Variants in XXYLT1 observed in about 807,000 individuals in gnomAD.
The protein encoded by XXYLT1 is UDP-xylose:alpha-xyloside alpha-1,3-xylosyltransferase.
Under a neutral mutation model 28.9 loss-of-function variants are expected in XXYLT1, and 20 were observed. That is an observed-to-expected ratio of 0.69 (90% CI 0.49 to 1.00). The LOEUF (loss-of-function observed/expected upper bound fraction) is 1.00. XXYLT1 is among the 50% of genes least tolerant of loss of function. XXYLT1 has a pLI of 0.00. For missense variants in XXYLT1, 542 were observed against 560.1 expected (o/e 0.97, Z 0.33); for synonymous variants, 257 against 253.8 (o/e 1.01, Z -0.12).
chr3:195,192,764 G>A (rs1248655814), intron 2 of XXYLT1, among the ~76,000 whole-genome samples: 1 of 152,140 alleles, frequency 6.6e-6, no homozygotes, highest in Non-Finnish European at 1.5e-5. Flanking sequence ...GTTCTAGCTA[G>A]TGGAATAAGG....
rs1714688917 is a variant in XXYLT1 at position 195,069,768 on chromosome 3, C to T, written c.1129G>A (p.Gly377Ser). 1.2e-6 allele frequency: 2 copies of T among 1,614,074 alleles called. No homozygotes were observed. The highest frequency in any genetic ancestry group is 1.7e-6 in the Non-Finnish European group (2 of 1,180,022). Residue 377 changes from glycine to serine, a missense_variant, in exon 4 of 4, where the codon GGC becomes AGC. Gly to Ser is a moderately conservative substitution (Grantham distance 56). Coordinates refer to ENST00000310380, the MANE Select transcript of XXYLT1 (RefSeq NM_152531.5). The part of the protein sequence containing the change: ...DVFEAYFRCE[G>S]HVKIYHGNCN... ...TTCCCGTGGTAGATCTTGACGTGGC[C>T]CTCACACCTGAAATAGGCCTCGAAG...
At chr3:195,120,087 A>T (rs1287994003) in intron 3 of XXYLT1, among the ~76,000 whole-genome samples, 2 of 152,192 alleles carry the variant, frequency 1.3e-5, no homozygotes, top group African/African-American at 4.8e-5. Flanking sequence ...CTCTCTGAAA[A>T]CAAAAAGCTT....
At position 195,085,424 on chromosome 3, in the gene XXYLT1, C is replaced by T. The variant is rs137889050; in HGVS notation, c.786-15313G>A. Among the ~76,000 whole-genome samples, 133 of 152,366 alleles carry T rather than the reference C, an allele frequency of 8.7e-4. 1 individual carries two copies. The highest frequency in any genetic ancestry group is 3.0e-3 in the African/African-American group (126 of 41,582). On this transcript the variant is annotated intron_variant, in intron 3 of 3. Coordinates refer to ENST00000310380, the MANE Select transcript of XXYLT1 (RefSeq NM_152531.5). The stretch of plus-strand genomic sequence containing the variant: ...CAGGTCTGGCATCTCTGCCACTCTC[C>T]CATCCCTGGTTCCCTAGAATGGAGC...
At chr3:195,123,190 A>AAAAAAAAAAAC (rs1055859949) in intron 3 of XXYLT1, among the ~76,000 whole-genome samples, 1 of 151,942 alleles carries the variant, frequency 6.6e-6, no homozygotes, top group African/African-American at 2.4e-5. Context: ...CAAAAAAAAA[A>AAAAAAAAAAAC]ACCCTACATT....
intron 3 of XXYLT1, among the ~76,000 whole-genome samples, chr3:195,151,271 T>C (rs1395453785): frequency 6.6e-6 from 1 of 152,168 alleles, no homozygotes; most frequent in Non-Finnish European, 1.5e-5. Flanking sequence ...GGGTCAGGTG[T>C]GGTGGCTCAT....
At chr3:195,269,107 C>T (rs1201661821) in intron 1 of XXYLT1, among the ~76,000 whole-genome samples, 1 of 152,208 alleles carries the variant, frequency 6.6e-6, no homozygotes, top group Non-Finnish European at 1.5e-5. Flanking sequence ...GTGCAGCTAG[C>T]GCTGCAGCGG....
At chr3:195,234,734 G>A (rs925836621) in intron 1 of XXYLT1, among the ~76,000 whole-genome samples, 2 of 152,076 alleles carry the variant, frequency 1.3e-5, no homozygotes, top group African/African-American at 2.4e-5. Context: ...GCTGCCAGAC[G>A]TACTGGAGCT....
rs78131804 is a variant in XXYLT1, at chr3:195,260,942, G to A, written c.504+9613C>T. Among the ~76,000 whole-genome samples the A allele has an allele frequency of 1.5e-3, 233 of 152,330 alleles. 9 individuals are homozygous for A. The East Asian group carries it at 0.031, about 20-fold the overall frequency. ...GGGTGTCATCGGCAGGCGGATGACA[G>A]ATTGTCAGGTGGGCTACAGCCCTGC... On this transcript the variant is annotated intron_variant, in intron 1 of 3. Coordinates refer to ENST00000310380, the MANE Select transcript of XXYLT1 (RefSeq NM_152531.5).
chr3:195,223,230 C>CA (rs934925174), intron 2 of XXYLT1, among the ~76,000 whole-genome samples: 7 of 150,662 alleles, frequency 4.6e-5, no homozygotes, highest in Admixed American at 6.6e-5. Context: ...GACTCTGTCT[C>CA]AAAAAAAAAG....
intron 3 of XXYLT1, among the ~76,000 whole-genome samples, chr3:195,114,367 G>C (rs1049211344): frequency 7.2e-5 from 11 of 152,194 alleles, no homozygotes; most frequent in Admixed American, 2.0e-4. Context: ...GGAGAGCCGG[G>C]AGACACGGAG....
At chr3:195,083,598 G>A (rs1715557323) in intron 3 of XXYLT1, among the ~76,000 whole-genome samples, 1 of 152,148 alleles carries the variant, frequency 6.6e-6, no homozygotes, top group Admixed American at 6.5e-5. Context: ...AAAATGACGA[G>A]GAGGAGGAGA....
intron 2 of XXYLT1, chr3:195,214,778 T>C (rs1355782585): frequency 6.6e-6 from 1 of 152,160 alleles, no homozygotes; most frequent in African/African-American, 2.4e-5. Flanking sequence ...AATTAAACAT[T>C]GATTACTGGT....
In XXYLT1 at chr3:195,257,862, C is replaced by T. The variant is rs1046740680; in HGVS notation, c.504+12693G>A. 6.6e-6 allele frequency among the ~76,000 whole-genome samples: 1 copy of T among 152,112 alleles called. No individual in the cohort carries two copies. The highest frequency in any genetic ancestry group is 2.4e-5 in the African/African-American group (1 of 41,420). Reference sequence around the variant, plus strand: ...TAAGGTGGGCAGGTCACATGCTACCCACGTATCATGGGTGTATATCCTCCA... The same window carrying T: ...TAAGGTGGGCAGGTCACATGCTACCTACGTATCATGGGTGTATATCCTCCA... On this transcript the variant is annotated intron_variant, in intron 1 of 3. Coordinates refer to ENST00000310380, the MANE Select transcript of XXYLT1 (RefSeq NM_152531.5). This position sits in a 1 kb window ranked among gnomAD's most constrained non-coding sequence, Gnocchi z 4.3.
intron 1 of XXYLT1, chr3:195,270,211 G>A (rs1481021995): frequency 1.8e-6 from 1 of 550,814 alleles, no homozygotes; most frequent in Non-Finnish European, 3.4e-6. Context: ...AAAAACTGAG[G>A]AACATAAACA....
intron 3 of XXYLT1, chr3:195,094,671 A>T (rs1716319224): frequency 6.5e-6 from 1 of 153,802 alleles, no homozygotes; most frequent in South Asian, 2.1e-4. Flanking sequence ...CGGGTGCTCG[A>T]GGCCTGTGTG....
chr3:195,094,806 G>A (rs1716331545), intron 3 of XXYLT1: 1 of 153,652 alleles, frequency 6.5e-6, no homozygotes, highest in Non-Finnish European at 1.5e-5. Context: ...CATCGCAGAT[G>A]CCATTCTGAT....
chr3:195,106,301 C>T (rs1276475571), intron 3 of XXYLT1, among the ~76,000 whole-genome samples: 2 of 149,384 alleles, frequency 1.3e-5, no homozygotes, highest in Admixed American at 1.4e-4. Flanking sequence ...CGGAGAGATG[C>T]TCTTGTTGTG....
At chr3:195,151,669 TAAC>T (rs1028070201) in intron 3 of XXYLT1, among the ~76,000 whole-genome samples, 18 of 151,942 alleles carry the variant, frequency 1.2e-4, no homozygotes, top group Admixed American at 8.5e-4. Context: ...CAATAAACAA[TAAC>T]AATTATTTAG....
At chr3:195,108,417 T>C (rs771747967) in intron 3 of XXYLT1, among the ~76,000 whole-genome samples, 17 of 152,240 alleles carry the variant, frequency 1.1e-4, no homozygotes, top group Non-Finnish European at 2.1e-4. Flanking sequence ...TTTTAGAAAA[T>C]TGATTTCCTG....
Sources: allele counts gnomAD v4.1 joint callset (sites outside exome capture counted in the v4.1 genomes callset), GRCh38; gene constraint gnomAD v4.1.1; non-coding constraint Gnocchi (gnomAD v3.1); transcripts MANE v1.5; gene names NCBI Gene and HGNC (gene_info 2026-07-23, HGNC 2026-07-21).